HMGCLL1: variants seen among roughly 807,000 people sequenced by gnomAD.
HMGCLL1 encodes the protein 3-hydroxymethyl-3-methylglutaryl-CoA lyase, cytoplasmic.
In HMGCLL1, 36 loss-of-function variants were observed where a neutral mutation model predicts 39.1. That is an observed-to-expected ratio of 0.92 (90% CI 0.71 to 1.22). The LOEUF is 1.22. Among genes scored for constraint, HMGCLL1 ranks in the 50% most tolerant of loss-of-function variants. The pLI is 0.00. For synonymous variants in HMGCLL1, 149 were observed against 144.0 expected (o/e 1.03, Z -0.25); for missense variants, 451 against 416.5 (o/e 1.08, Z -0.72).
rs112480933 is a variant in HMGCLL1, at chr6:55,557,497, C to T, written c.109-15357G>A. 1.0e-3 allele frequency among the ~76,000 whole-genome samples: 155 copies of T among 152,232 alleles called. 1 individual carries two copies. Among genetic ancestry groups the T allele is most frequent in the African/African-American group, 3.7e-3 (152 of 41,548 alleles). On this transcript the variant is annotated intron_variant, in intron 1 of 8. Coordinates refer to ENST00000274901, the MANE Select transcript of HMGCLL1 (RefSeq NM_001042406.2). ...CGCTTTCTAACACACTGACCTTTCC[C>T]AGCCCCGATTCTAATTAAAACTTGT...
chr6:55,483,233 A>G (rs965607387), intron 7 of HMGCLL1, among the ~76,000 whole-genome samples: 3 of 152,142 alleles, frequency 2.0e-5, no homozygotes, highest in Non-Finnish European at 4.4e-5. Flanking sequence ...ATTCAATTAG[A>G]CAAAATACAC....
intron 3 of HMGCLL1, among the ~76,000 whole-genome samples, chr6:55,519,513 T>C (rs978030620): frequency 6.6e-6 from 1 of 152,136 alleles, no homozygotes; most frequent in African/African-American, 2.4e-5. Context: ...GTGTGAGTAC[T>C]CTCTGTCTCT....
chr6:55,505,446 A>G (rs1422436495), intron 5 of HMGCLL1, among the ~76,000 whole-genome samples: 2 of 151,682 alleles, frequency 1.3e-5, no homozygotes, highest in Non-Finnish European at 3.0e-5. Context: ...CCTTTCTGTA[A>G]GCAACACAAA....
chr6:55,534,300 T>C (rs891033414), intron 3 of HMGCLL1, among the ~76,000 whole-genome samples: 1 of 152,152 alleles, frequency 6.6e-6, no homozygotes, highest in Non-Finnish European at 1.5e-5. Flanking sequence ...CTCAGTGGTA[T>C]TTCCCCTCCC....
At chr6:55,472,040 C>A (rs78468606) in intron 7 of HMGCLL1, among the ~76,000 whole-genome samples, 3,473 of 151,700 alleles carry the variant, frequency 0.023, 125 homozygotes, top group African/African-American at 0.08. Context: ...AATCTATGTA[C>A]AAATTTTATT....
intron 5 of HMGCLL1, among the ~76,000 whole-genome samples, chr6:55,509,959 A>T (rs936559484): frequency 6.6e-6 from 1 of 151,972 alleles, no homozygotes; most frequent in Non-Finnish European, 1.5e-5. Context: ...CATTTTATTT[A>T]AAAAATTATG....
chr6:55,476,994 A>C (rs1765324118), intron 7 of HMGCLL1, among the ~76,000 whole-genome samples: 1 of 110,380 alleles, frequency 9.1e-6, no homozygotes, highest in South Asian at 3.3e-4. Flanking sequence ...CCTTGTTTAT[A>C]AAAATTATGG....
intron 3 of HMGCLL1, among the ~76,000 whole-genome samples, chr6:55,539,911 A>AAAG (rs1769261284): frequency 8.0e-6 from 1 of 124,578 alleles, no homozygotes; most frequent in African/African-American, 3.3e-5. Context: ...AGAAAGAAAG[A>AAAG]AAGAAAGAAA....
At chr6:55,512,569 C>A (rs1224962238) in intron 5 of HMGCLL1, 1 of 152,010 alleles carries the variant, frequency 6.6e-6, no homozygotes, top group African/African-American at 2.4e-5. Flanking sequence ...ATTTTAGAAA[C>A]TCATGTAGAC....
chr6:55,453,127 A>C (rs866810520), intron 7 of HMGCLL1, among the ~76,000 whole-genome samples: 6 of 152,176 alleles, frequency 3.9e-5, no homozygotes, highest in African/African-American at 1.4e-4. Flanking sequence ...ACATACGATG[A>C]ACATGCCAAG....
upstream of HMGCLL1, among the ~76,000 whole-genome samples, chr6:55,582,787 T>C (rs1169339800): frequency 6.6e-6 from 1 of 152,164 alleles, no homozygotes; most frequent in East Asian, 1.9e-4. Flanking sequence ...TTCTTGTATA[T>C]ACTTTTTGTT....
intron 3 of HMGCLL1, among the ~76,000 whole-genome samples, chr6:55,536,333 T>C (rs1480312506): frequency 6.6e-6 from 1 of 152,220 alleles, no homozygotes; most frequent in East Asian, 1.9e-4. Flanking sequence ...CCTTTGCCTA[T>C]GGCATACATA....
At chr6:55,453,803 T>C (rs1019888860) in intron 7 of HMGCLL1, among the ~76,000 whole-genome samples, 2 of 152,154 alleles carry the variant, frequency 1.3e-5, no homozygotes, top group African/African-American at 4.8e-5. Context: ...TTGAGATAAA[T>C]TTACTAGGTA....
At chr6:55,547,860 G>A (rs1465546424) in intron 1 of HMGCLL1, among the ~76,000 whole-genome samples, 4 of 151,876 alleles carry the variant, frequency 2.6e-5, no homozygotes, top group Non-Finnish European at 5.9e-5. Context: ...CAAATATAAT[G>A]AGAAATACAA....
At chr6:55,631,084 G>A in the HMGCLL1 span, among the ~76,000 whole-genome samples, 1 of 151,746 alleles carries the variant, frequency 6.6e-6, no homozygotes, top group East Asian at 1.9e-4. Context: ...TCTCGTACTT[G>A]AATCATTAAT....
intron 3 of HMGCLL1, among the ~76,000 whole-genome samples, chr6:55,520,942 T>A (rs1768007841): frequency 1.3e-5 from 2 of 152,032 alleles, no homozygotes; most frequent in Admixed American, 6.6e-5. Context: ...TTGATATAGA[T>A]CCAAATCATC....
At chr6:55,542,252 A>G (rs530343522) in intron 1 of HMGCLL1, 112 bp from the exon 2 acceptor site, 48 of 577,454 alleles carry the variant, frequency 8.3e-5, no homozygotes, top group Non-Finnish European at 1.2e-4. Context: ...GAGAATTAAA[A>G]TACTGAAAAA....
At chr6:55,615,804 T>C in the HMGCLL1 span, among the ~76,000 whole-genome samples, 1 of 152,190 alleles carries the variant, frequency 6.6e-6, no homozygotes, top group South Asian at 2.1e-4. Flanking sequence ...AACAGAAGAC[T>C]GAAAGCTTAT....
chr6:55,580,831 C>T (rs1010466143), upstream of HMGCLL1, among the ~76,000 whole-genome samples: 2 of 152,128 alleles, frequency 1.3e-5, no homozygotes, highest in African/African-American at 4.8e-5. Flanking sequence ...CTAAGCATGA[C>T]TATCATATAG....
Sources: allele counts gnomAD v4.1 joint callset (sites outside exome capture counted in the v4.1 genomes callset), GRCh38; gene constraint gnomAD v4.1.1; transcripts MANE v1.5; gene names NCBI Gene and HGNC (gene_info 2026-07-23, HGNC 2026-07-21).